The following PPP2R5A variants were observed in gnomAD, a reference collection of about 807,000 sequenced individuals.
PPP2R5A encodes the protein serine/threonine-protein phosphatase 2A 56 kDa regulatory subunit alpha isoform.
In PPP2R5A, 25 loss-of-function variants were observed where a neutral mutation model predicts 64.2. The ratio of observed to expected loss-of-function variants is 0.39; its 90% CI spans 0.28 to 0.54. The LOEUF is 0.54. Among genes scored for constraint, PPP2R5A ranks in the 20% least tolerant of loss-of-function variants. The pLI, the probability that PPP2R5A is intolerant of heterozygous loss-of-function variation, is 0.67. For missense variants in PPP2R5A, 425 were observed against 576.3 expected, an observed-to-expected ratio of 0.74 and a Z score of 2.69; for synonymous variants, 198 against 201.2, an observed-to-expected ratio of 0.98 and a Z score of 0.13.
chr1:212,317,460 T>C (rs2102423971), intron 1 of PPP2R5A, among the ~76,000 whole-genome samples: 1 of 144,748 alleles, frequency 6.9e-6, no homozygotes, highest in Non-Finnish European at 1.5e-5. Context: ...CCTGAAGTAC[T>C]TCACATACTG....
At chr1:212,347,497 T>TA in intron 6 of PPP2R5A, 91 bp downstream of exon 6, 1 of 972,704 alleles carries the variant, frequency 1.0e-6, no homozygotes, top group East Asian at 2.5e-5. Flanking sequence ...AATTATGTCA[T>TA]ATTTTAGAGT....
chr1:212,289,411 T>C (rs528940423), intron 1 of PPP2R5A, among the ~76,000 whole-genome samples: 1 of 152,218 alleles, frequency 6.6e-6, no homozygotes, highest in Admixed American at 6.5e-5. Context: ...TCCCATTTTA[T>C]TGATGAGAAA....
chr1:212,358,656 T>C, intron 11 of PPP2R5A, 30 bp from the exon 12 acceptor site: 2 of 1,519,518 alleles, frequency 1.3e-6, no homozygotes, highest in Admixed American at 3.4e-5. Flanking sequence ...AGCAGTATCA[T>C]AACTCAGGAC....
At chr1:212,294,259 C>A (rs2102411007) in intron 1 of PPP2R5A, among the ~76,000 whole-genome samples, 1 of 152,130 alleles carries the variant, frequency 6.6e-6, no homozygotes, top group African/African-American at 2.4e-5. Flanking sequence ...TTGTTAATCC[C>A]CTGCCTCTAA....
chr1:212,351,917 T>G (rs1659887789), intron 8 of PPP2R5A, among the ~76,000 whole-genome samples: 3 of 151,884 alleles, frequency 2.0e-5, no homozygotes, highest in Admixed American at 2.0e-4. Flanking sequence ...AACACCGTTC[T>G]TATTCCAAGA....
chr1:212,356,861 T>C, intron 9 of PPP2R5A, 89 bp from the exon 10 acceptor site: 1 of 1,315,882 alleles, frequency 7.6e-7, no homozygotes, highest in Non-Finnish European at 1.0e-6. Flanking sequence ...TATTGTATAC[T>C]ATGCAGATTA....
chr1:212,322,250 A>AGAGGGAGAGGGAGAG lies in PPP2R5A; in HGVS notation c.182-6854_182-6840dup, dbSNP rs544377404. ...AGGGAGAGGGAGAGGGAGAGGAGGG[A>AGAGGGAGAGGGAGAG]GAGGGAGAGGGAGAGGAGGGAGAGG... On this transcript the variant is annotated intron_variant, in intron 1 of 12. Transcript: ENST00000261461. Among the ~76,000 whole-genome samples the AGAGGGAGAGGGAGAG allele has an allele frequency of 1.4e-4, 15 of 107,688 alleles. No individual in the cohort carries two copies. In the East Asian group the frequency reaches 1.6e-3, roughly 12 times the overall value. The allele number at this position is 107,688 out of a possible 152,430, so 70.6% of individuals were successfully genotyped here.
At chr1:212,318,399 T>C (rs998653786) in intron 1 of PPP2R5A, among the ~76,000 whole-genome samples, 1 of 152,228 alleles carries the variant, frequency 6.6e-6, no homozygotes, top group African/African-American at 2.4e-5. Context: ...AGAAGAATGC[T>C]GCTTTTAAAT....
chr1:212,356,245 A>G (rs1418079213), intron 8 of PPP2R5A, among the ~76,000 whole-genome samples: 1 of 151,956 alleles, frequency 6.6e-6, no homozygotes. Context: ...TCCCTCTCTC[A>G]CCCCACCAAC....
Position 212,342,299 on chromosome 1 carries a change from T to C in PPP2R5A, c.573+19T>C. 1 of 1,607,652 alleles carries C rather than the reference T, an allele frequency of 6.2e-7. No individual in the cohort carries two copies. Among genetic ancestry groups the C allele is most frequent in the South Asian group, 1.1e-5 (1 of 89,692 alleles). On this transcript the variant is annotated intron_variant, in intron 4 of 12. Transcript: ENST00000261461. The stretch of plus-strand genomic sequence containing the variant: ...ACAACAGGTAAGGAACTCTTTTGTC[T>C]TAGATTCTCATATATTCATCTTAGC...
intron 11 of PPP2R5A, 139 bp from the exon 12 acceptor site, chr1:212,358,547 C>A (rs1660024251): frequency 3.5e-6 from 2 of 575,132 alleles, no homozygotes; most frequent in Non-Finnish European, 6.1e-6. Flanking sequence ...TATTACAAAC[C>A]TCTTGAGCCT....
Position 212,329,324 on chromosome 1 carries a change from T to C in PPP2R5A, c.371T>C (p.Val124Ala). Residue 124 changes from valine (V) to alanine (A), a missense_variant, in exon 2 of 13, where the codon GTA (valine) becomes GCA (alanine). By Grantham distance (64) the Val-to-Ala change is moderately conservative (BLOSUM62 0). Around this residue, in one of 4 missense-constraint regions of PPP2R5A, gnomAD observed 140 missense variants for 204.4 expected, o/e 0.68. Transcript: ENST00000261461. ...VIVESAYSDI[V>A]KMISANIFRT... ...GTTGAATCAGCGTATTCTGATATAG[T>C]AAAAATGGTAAGCCTCTAGAATTAT... is the stretch of plus-strand genomic sequence containing the variant. 2 of 1,588,642 alleles carry C rather than the reference T, an allele frequency of 1.3e-6. No homozygotes were observed. The highest frequency in any genetic ancestry group is 1.7e-6 in the Non-Finnish European group (2 of 1,168,880).
intron 3 of PPP2R5A, among the ~76,000 whole-genome samples, chr1:212,337,794 A>G (rs1319355637): frequency 6.6e-6 from 1 of 152,184 alleles, no homozygotes; most frequent in Non-Finnish European, 1.5e-5. Context: ...TGTTTTCACA[A>G]GGATTACAGA....
chr1:212,286,566 A>C (rs908420015), intron 1 of PPP2R5A, among the ~76,000 whole-genome samples: 2 of 152,048 alleles, frequency 1.3e-5, no homozygotes, highest in African/African-American at 4.8e-5. Context: ...CGCTTGCTTA[A>C]CCTGCACTTC....
chr1:212,299,415 GCTT>G (rs1658758386), intron 1 of PPP2R5A: 1 of 152,230 alleles, frequency 6.6e-6, no homozygotes, highest in South Asian at 2.1e-4. Flanking sequence ...ACTTGTTTTT[GCTT>G]CTTTTGGAAA....
In PPP2R5A at chr1:212,360,863, ATAAT is replaced by A. The variant is rs1287182800; in HGVS notation, c.*97_*100del. On this transcript the variant is annotated 3_prime_UTR_variant, in exon 13 of 13. Coordinates refer to ENST00000261461, the MANE Select transcript of PPP2R5A (RefSeq NM_006243.4). ...ACAAAACAAACCTCATCAGTATAAT[ATAAT>A]TAAAAGGCCAATTTTTTCTGGCAAC... 7.8e-7 allele frequency: 1 copy of A among 1,279,738 alleles called. No homozygotes were observed. Among genetic ancestry groups the A allele is most frequent in the African/African-American group, 1.5e-5 (1 of 65,076 alleles). 79.3% of individuals were successfully genotyped at this position (1,279,738 alleles called of 1,614,324 possible).
chr1:212,311,302 A>G (rs1465680483), intron 1 of PPP2R5A, among the ~76,000 whole-genome samples: 1 of 152,114 alleles, frequency 6.6e-6, no homozygotes, highest in Non-Finnish European at 1.5e-5. Context: ...CCCCGTCTCT[A>G]CTAAAAATAC....
intron 11 of PPP2R5A, 104 bp from the exon 12 acceptor site, chr1:212,358,579 GGAT>G: frequency 1.4e-6 from 1 of 736,798 alleles, no homozygotes; most frequent in Non-Finnish European, 2.2e-6. Flanking sequence ...TCTCTAAAAT[GGAT>G]TAAATGAAAT....
chr1:212,320,387 T>C (rs1166658191), intron 1 of PPP2R5A, among the ~76,000 whole-genome samples: 2 of 152,154 alleles, frequency 1.3e-5, no homozygotes, highest in Non-Finnish European at 1.5e-5. Flanking sequence ...CTCAATCTTT[T>C]CCCCACCTTT....
Sources: gnomAD v4.1 joint callset for allele counts (sites outside exome capture counted in the v4.1 genomes callset) on GRCh38, gnomAD v4.1.1 for gene constraint, gnomAD v4.1.1 regional missense constraint, MANE v1.5 for transcripts, NCBI Gene and HGNC (gene_info 2026-07-23, HGNC 2026-07-21) for gene names.